The following ANK3 variants were observed in gnomAD, a reference collection of about 807,000 sequenced individuals.
The protein encoded by ANK3 is ankyrin 3, also known as ankyrin-3.
In ANK3, 57 loss-of-function variants were observed where a neutral mutation model predicts 370.9. That is an observed-to-expected ratio of 0.15 (90% CI 0.12 to 0.19). ANK3 has a LOEUF of 0.19. ANK3 is among the 10% of genes least tolerant of loss of function. The pLI is 1.00. For synonymous variants in ANK3, 1,929 were observed against 1,946.3 expected, an observed-to-expected ratio of 0.99 and a Z score of 0.23; for missense variants, 4,439 against 5,302.1, an observed-to-expected ratio of 0.84 and a Z score of 5.06.
intron 2 of ANK3, among the ~76,000 whole-genome samples, chr10:60,505,015 A>T (rs189732799): frequency 6.6e-6 from 1 of 151,888 alleles, no homozygotes; most frequent in East Asian, 1.9e-4. Flanking sequence ...TCTAAAAAAA[A>T]CTCCCTTTTT....
At chr10:60,105,062 T>C (rs1429134777) in intron 28 of ANK3, among the ~76,000 whole-genome samples, 1 of 152,168 alleles carries the variant, frequency 6.6e-6, no homozygotes, top group African/African-American at 2.4e-5. Flanking sequence ...AAAGAGTGGA[T>C]CTTATGGAAT....
chr10:60,593,180 C>T (rs2077940560), intron 2 of ANK3, among the ~76,000 whole-genome samples: 1 of 152,154 alleles, frequency 6.6e-6, no homozygotes, highest in Non-Finnish European at 1.5e-5. Context: ...TAAGTGAATA[C>T]AGCAATTAAT....
chr10:60,243,998 A>G (rs954935068), intron 7 of ANK3, among the ~76,000 whole-genome samples: 1 of 152,244 alleles, frequency 6.6e-6, no homozygotes, highest in Non-Finnish European at 1.5e-5. Context: ...CATGATCTAC[A>G]TGATAGAATA....
At chr10:60,410,667 C>A (rs1470050869) in intron 2 of ANK3, among the ~76,000 whole-genome samples, 1 of 151,994 alleles carries the variant, frequency 6.6e-6, no homozygotes, top group Non-Finnish European at 1.5e-5. Flanking sequence ...AAACCTCTCA[C>A]CCAATTTTTT....
chr10:60,174,680 C>T (rs1000820176), intron 18 of ANK3, among the ~76,000 whole-genome samples: 22 of 152,122 alleles, frequency 1.4e-4, no homozygotes, highest in African/African-American at 5.3e-4. Flanking sequence ...ATAATACAAC[C>T]ATTTCTAATA....
intron 2 of ANK3, among the ~76,000 whole-genome samples, chr10:60,499,366 G>T (rs1230621791): frequency 6.6e-6 from 1 of 152,116 alleles, no homozygotes; most frequent in Admixed American, 6.6e-5. Flanking sequence ...TATAAAGTAT[G>T]ACTTATAGTG....
At chr10:60,427,351 G>T (rs566535300) in intron 2 of ANK3, among the ~76,000 whole-genome samples, 8 of 151,958 alleles carry the variant, frequency 5.3e-5, no homozygotes, top group Non-Finnish European at 1.0e-4. Context: ...TATATGTGTG[G>T]GCATCTGATG....
At chr10:60,226,486 TATACATATACTATAGTATATATACATA>T (rs1565819413) in intron 8 of ANK3, among the ~76,000 whole-genome samples, 6 of 80,142 alleles carry the variant, frequency 7.5e-5, no homozygotes, top group Non-Finnish European at 1.2e-4. Flanking sequence ...ATACTATATA[TATACATATACTATAGTATATATACATA>T]GTATATATAC....
chr10:60,087,378 T>C (rs1404955243), intron 29 of ANK3, among the ~76,000 whole-genome samples: 1 of 152,222 alleles, frequency 6.6e-6, no homozygotes, highest in Non-Finnish European at 1.5e-5. Context: ...GTTTCTTTTC[T>C]GTTTGGTAAA....
At chr10:60,238,447 A>G (rs2097367820) in intron 7 of ANK3, among the ~76,000 whole-genome samples, 1 of 152,130 alleles carries the variant, frequency 6.6e-6, no homozygotes, top group Non-Finnish European at 1.5e-5. Flanking sequence ...GCTGTGGTGG[A>G]AAGGGCAGGA....
intron 2 of ANK3, among the ~76,000 whole-genome samples, chr10:60,490,186 T>C (rs1399428531): frequency 1.3e-5 from 2 of 152,154 alleles, no homozygotes; most frequent in Non-Finnish European, 2.9e-5. Flanking sequence ...ATTCAAAGCA[T>C]GAATGTCTCA....
At chr10:60,314,933 T>A (rs1006458797) in intron 1 of ANK3, among the ~76,000 whole-genome samples, 2 of 152,234 alleles carry the variant, frequency 1.3e-5, no homozygotes, top group South Asian at 2.1e-4. Flanking sequence ...AAAATTCACA[T>A]GATTTTAAGT....
At chr10:60,113,641 T>C (rs999860404) in intron 26 of ANK3, among the ~76,000 whole-genome samples, 1 of 151,880 alleles carries the variant, frequency 6.6e-6, no homozygotes, top group South Asian at 2.1e-4. Context: ...GCCCAGGAGG[T>C]AGAGGTTTCA....
intron 1 of ANK3, among the ~76,000 whole-genome samples, chr10:60,306,455 C>G (rs10821715): frequency 1.8e-3 from 31 of 16,896 alleles, no homozygotes; most frequent in African/African-American, 3.7e-3. Flanking sequence ...ATATATATAT[C>G]TATCTTTATC....
intron 2 of ANK3, among the ~76,000 whole-genome samples, chr10:60,584,983 C>T (rs984326361): frequency 2.6e-5 from 4 of 152,168 alleles, no homozygotes; most frequent in African/African-American, 9.7e-5. Flanking sequence ...TGTTGGCTTC[C>T]GATTCCTAAA....
At position 60,367,775 on chromosome 10, in the gene ANK3, G is replaced by A. The variant is rs568976779; in HGVS notation, c.114+21650C>T. 4.6e-5 allele frequency among the ~76,000 whole-genome samples: 7 copies of A among 152,318 alleles called. No individual in the cohort carries two copies. In the South Asian group the frequency reaches 1.5e-3, roughly 32 times the overall value. Reference sequence around the variant, plus strand: ...CTCCTGTGTCCTCAGTGACATTTAAGTATAAAAGGCGAGCTTTCTCTTTAA... The same window carrying A: ...CTCCTGTGTCCTCAGTGACATTTAAATATAAAAGGCGAGCTTTCTCTTTAA... On this transcript the variant is annotated intron_variant, in intron 1 of 43. Coordinates refer to ENST00000280772, the MANE Select transcript of ANK3 (RefSeq NM_020987.5).
chr10:60,190,951 C>T (rs1253283433), intron 16 of ANK3, among the ~76,000 whole-genome samples: 1 of 152,114 alleles, frequency 6.6e-6, no homozygotes, highest in African/African-American at 2.4e-5. Flanking sequence ...GCCAACTAAT[C>T]TTTGACAAAG....
rs1188083372 is a variant in ANK3 at position 60,069,999 on chromosome 10, T to C, written c.10882A>G (p.Arg3628Gly). 2.5e-6 allele frequency: 4 copies of C among 1,614,114 alleles called. No individual in the cohort carries two copies. The highest frequency in any genetic ancestry group is 1.3e-5 in the African/African-American group (1 of 75,044). The change falls in exon 37 of 44, where the codon AGG (arginine) becomes GGG (glycine). Residue 3628 changes from arginine to glycine, a missense_variant. By Grantham distance (125) the Arg-to-Gly change is moderately radical. Transcript: ENST00000280772. ...TCACCAATCTGGAAAAATTGGAGCC[T>C]CTCTTCAACAAAATCCCTCTTGCTC... ...DMSKRDFVEE[R>G]LQFFQIGEHT... is the part of the protein sequence containing the mutation.
At position 60,299,378 on chromosome 10, in the gene ANK3, C is replaced by T. The variant is rs72822247; in HGVS notation, c.115-19739G>A. Among the ~76,000 whole-genome samples the T allele has an allele frequency of 4.3e-3, 652 of 152,260 alleles. 2 individuals carry two copies. Among genetic ancestry groups the T allele is most frequent in the Non-Finnish European group, 7.0e-3 (479 of 68,006 alleles). On this transcript the variant is annotated intron_variant, in intron 1 of 43. Coordinates refer to ENST00000280772, the MANE Select transcript of ANK3 (RefSeq NM_020987.5). ...TGAAATGACAGCTGTTTTCTCAAAA[C>T]CATTAGCATGTTTGTCCACCTGATA... is the stretch of plus-strand genomic sequence containing the variant.
Sources: allele counts gnomAD v4.1 joint callset (sites outside exome capture counted in the v4.1 genomes callset), GRCh38; gene constraint gnomAD v4.1.1; transcripts MANE v1.5; gene names NCBI Gene and HGNC (gene_info 2026-07-23, HGNC 2026-07-21).